PTGER3: variants seen among roughly 807,000 people sequenced by gnomAD.
The protein encoded by PTGER3 is prostaglandin E receptor 3.
PTGER3 carries 22 observed loss-of-function variants against 34.7 expected under a neutral mutation model. The ratio of observed to expected loss-of-function variants is 0.63; its 90% CI spans 0.45 to 0.91. The LOEUF is 0.91. PTGER3 is among the 40% of genes least tolerant of loss of function. The pLI is 0.00. For synonymous variants in PTGER3, 241 were observed against 230.1 expected (o/e 1.05, Z -0.43); for missense variants, 468 against 519.4 (o/e 0.90, Z 0.96).
intron 2 of PTGER3, chr1:71,008,607 T>C: frequency 1.0e-6 from 1 of 984,910 alleles, no homozygotes; most frequent in Non-Finnish European, 1.2e-6. Flanking sequence ...ATAACCTATG[T>C]CATGAAACAT....
intron 4 of PTGER3, among the ~76,000 whole-genome samples, chr1:70,876,435 A>G (rs1211461994): frequency 1.3e-5 from 2 of 151,688 alleles, no homozygotes; most frequent in East Asian, 3.9e-4. Flanking sequence ...GAAACTATCA[A>G]TTGAATAAAC....
At position 70,923,905 on chromosome 1, in the gene PTGER3, G is replaced by T. The variant is rs184887710; in HGVS notation, c.*23+29858C>A. Among the ~76,000 whole-genome samples the T allele has an allele frequency of 6.6e-5, 10 of 152,264 alleles. No individual in the cohort carries two copies. In the East Asian group the frequency reaches 1.2e-3, roughly 18 times the overall value. On this transcript the variant is annotated intron_variant, in intron 4 of 4. Transcript: ENST00000370931. The stretch of plus-strand genomic sequence containing the variant: ...CAACGGGACACAATTGGAGAAACTG[G>T]TTATTTTACCAAGGCTTTTACCTGA...
intron 4 of PTGER3, among the ~76,000 whole-genome samples, chr1:70,880,120 T>C (rs1469434356): frequency 6.6e-6 from 1 of 152,044 alleles, no homozygotes; most frequent in East Asian, 1.9e-4. Context: ...GTAGGTTTTA[T>C]CCTGTAATCA....
intron 1 of PTGER3, among the ~76,000 whole-genome samples, chr1:71,013,148 G>A (rs1006069581): frequency 6.6e-6 from 1 of 152,052 alleles, no homozygotes. Flanking sequence ...CATGATAGCA[G>A]GAATTTGGGA....
chr1:70,955,491 A>G (rs902868436), intron 2 of PTGER3, among the ~76,000 whole-genome samples: 2 of 152,166 alleles, frequency 1.3e-5, no homozygotes, highest in African/African-American at 2.4e-5. Flanking sequence ...GAGAAGAAAG[A>G]TGGAGGAAAG....
chr1:70,964,233 T>C (rs114623508), intron 2 of PTGER3, among the ~76,000 whole-genome samples: 3,321 of 152,288 alleles, frequency 0.022, 57 homozygotes, highest in Non-Finnish European at 0.033. Flanking sequence ...CTTTCCCACA[T>C]TTTCCTATCT....
downstream of PTGER3, among the ~76,000 whole-genome samples, chr1:70,948,359 C>T (rs953516819): frequency 2.6e-5 from 4 of 152,112 alleles, no homozygotes; most frequent in Admixed American, 6.6e-5. Flanking sequence ...CTACAATTCT[C>T]CTTCCTGCTG....
Position 71,024,645 on chromosome 1 carries a change from CTTTTTTTTTT to C in PTGER3, c.898-12171_898-12162del, listed in dbSNP as rs35271200. 6.7e-4 allele frequency among the ~76,000 whole-genome samples: 78 copies of C among 117,098 alleles called. No individual in the cohort carries two copies. In the East Asian group the frequency reaches 0.014, roughly 21 times the overall value. 76.8% of individuals were successfully genotyped at this position (117,098 alleles called of 152,430 possible). A position where few individuals can be genotyped will look rare whatever the true frequency, so the allele number is the denominator to read the frequency against. On this transcript the variant is annotated intron_variant, in intron 1 of 3. Transcript: ENST00000306666. ...CTACCGACATTCTATCCTTTTCTTT[CTTTTTTTTTT>C]TTTTTTTTTTTGCCTCAGCCTCTCG...
chr1:70,925,091 A>G (rs776018531), intron 4 of PTGER3, among the ~76,000 whole-genome samples: 4 of 152,126 alleles, frequency 2.6e-5, no homozygotes, highest in Non-Finnish European at 5.9e-5. Context: ...TGCAACCTCC[A>G]CCTCTTAGAT....
At chr1:71,022,943 G>C (rs918638643) in intron 1 of PTGER3, among the ~76,000 whole-genome samples, 2 of 151,740 alleles carry the variant, frequency 1.3e-5, no homozygotes, top group African/African-American at 4.9e-5. Flanking sequence ...ACTCTCAATT[G>C]TTCCTGTCCT....
chr1:70,887,345 G>A (rs1393912679), intron 4 of PTGER3, among the ~76,000 whole-genome samples: 2 of 152,090 alleles, frequency 1.3e-5, no homozygotes, highest in Non-Finnish European at 2.9e-5. Context: ...TTAGGTTATG[G>A]TCTGCTTTGA....
intron 2 of PTGER3, among the ~76,000 whole-genome samples, chr1:70,985,133 T>C (rs555216179): frequency 9.2e-5 from 14 of 152,210 alleles, no homozygotes; most frequent in Admixed American, 7.8e-4. Flanking sequence ...GAGTAGGAGA[T>C]AACATCCTTA....
At chr1:70,880,386 T>C (rs147495925) in intron 4 of PTGER3, among the ~76,000 whole-genome samples, 1,849 of 151,804 alleles carry the variant, frequency 0.012, 42 homozygotes, top group African/African-American at 0.041. Flanking sequence ...TTTTTTCTTT[T>C]TTTTTTTTTT....
intron 1 of PTGER3, among the ~76,000 whole-genome samples, chr1:71,025,645 C>T (rs1293206865): frequency 6.6e-6 from 1 of 152,126 alleles, no homozygotes; most frequent in Non-Finnish European, 1.5e-5. Context: ...AATAACAAAA[C>T]AGCAACTAAT....
intron 2 of PTGER3, among the ~76,000 whole-genome samples, chr1:70,976,901 T>A (rs1373007811): frequency 1.3e-5 from 2 of 152,126 alleles, no homozygotes; most frequent in Non-Finnish European, 2.9e-5. Context: ...CTGAAATAAA[T>A]CTTGTTCTTG....
intron 4 of PTGER3, among the ~76,000 whole-genome samples, chr1:70,906,895 T>C (rs1572612366): frequency 6.6e-6 from 1 of 152,332 alleles, no homozygotes; most frequent in Admixed American, 6.5e-5. Flanking sequence ...AATGCAGATG[T>C]TAACAAATGC....
chr1:70,971,703 A>G lies in PTGER3; in HGVS notation c.*27T>C. ...GCAAATTCAGGGAAGCAGGAATTGC[A>G]ATAAAATGTCCAACTCCGTTCTTTC... On this transcript the variant is annotated 3_prime_UTR_variant, in exon 4 of 4. Transcript: ENST00000306666. 1 of 1,561,234 alleles carries G rather than the reference A, an allele frequency of 6.4e-7. No homozygotes were observed. The highest frequency in any genetic ancestry group is 8.7e-7 in the Non-Finnish European group (1 of 1,153,612).
At chr1:70,912,095 T>C (rs140047556) in intron 4 of PTGER3, among the ~76,000 whole-genome samples, 13 of 152,258 alleles carry the variant, frequency 8.5e-5, no homozygotes, top group Admixed American at 7.9e-4. Flanking sequence ...TGCATGGCCA[T>C]GGATCAAAGA....
chr1:71,022,043 T>C (rs1265009190), intron 1 of PTGER3, among the ~76,000 whole-genome samples: 1 of 151,944 alleles, frequency 6.6e-6, no homozygotes, highest in African/African-American at 2.4e-5. Context: ...TAGTAAAATA[T>C]GCTAGAAGTA....
Sources: allele counts gnomAD v4.1 joint callset (sites outside exome capture counted in the v4.1 genomes callset), GRCh38; gene constraint gnomAD v4.1.1; transcripts MANE v1.5; gene names NCBI Gene and HGNC (gene_info 2026-07-23, HGNC 2026-07-21).